Variants in CDC16 observed in about 807,000 individuals in gnomAD.
CDC16 encodes the protein cell division cycle protein 16 homolog.
CDC16 carries 34 observed loss-of-function variants against 87.0 expected under a neutral mutation model. That is an observed-to-expected ratio of 0.39 (90% CI 0.30 to 0.52). The LOEUF is 0.52. Ranked by LOEUF, CDC16 falls within the 20% of genes least tolerant of loss-of-function variation. The pLI is 0.74. For missense variants in CDC16, 653 were observed against 751.9 expected, an observed-to-expected ratio of 0.87 and a Z score of 1.54; for synonymous variants, 263 against 260.6, an observed-to-expected ratio of 1.01 and a Z score of -0.09.
At chr13:114,243,133 C>G in intron 6 of CDC16, 124 bp from the exon 7 acceptor site, 1 of 591,328 alleles carries the variant, frequency 1.7e-6, no homozygotes, top group East Asian at 2.7e-5. Flanking sequence ...ACATTTTGAT[C>G]TTATGTTCTC....
At chr13:114,250,056 C>T (rs2082081569) in intron 11 of CDC16, among the ~76,000 whole-genome samples, 1 of 152,170 alleles carries the variant, frequency 6.6e-6, no homozygotes, top group Non-Finnish European at 1.5e-5. Context: ...GGCACAGTGG[C>T]TCGTGCCTGT....
intron 5 of CDC16, among the ~76,000 whole-genome samples, 188 bp from the exon 6 acceptor site, chr13:114,241,933 C>T (rs900625514): frequency 9.2e-5 from 14 of 152,084 alleles, no homozygotes; most frequent in Non-Finnish European, 1.6e-4. Context: ...ACCTGTAATC[C>T]TAGCTACTCA....
Position 114,272,497 on chromosome 13 carries a change from C to T in CDC16, c.*54C>T. The T allele has an allele frequency of 6.7e-7, 1 of 1,483,648 alleles. No individual in the cohort carries two copies. The highest frequency in any genetic ancestry group is 9.3e-7 in the Non-Finnish European group (1 of 1,078,868). The allele number at this position is 1,483,648 out of a possible 1,614,324, so 91.9% of individuals were successfully genotyped here. On this transcript the variant is annotated 3_prime_UTR_variant, in exon 18 of 18. Coordinates refer to ENST00000356221, the MANE Select transcript of CDC16 (RefSeq NM_001078645.3). ...CCCAGTGTAGGTTAGTATTCCTTCACATCCTCTCCATGGCTTAAGAATGTC... is the reference window on the plus strand; with the variant it reads ...CCCAGTGTAGGTTAGTATTCCTTCATATCCTCTCCATGGCTTAAGAATGTC...
intron 11 of CDC16, among the ~76,000 whole-genome samples, chr13:114,247,635 T>C (rs1283050356): frequency 1.3e-5 from 2 of 152,090 alleles, no homozygotes; most frequent in African/African-American, 4.8e-5. Flanking sequence ...GCCAGCACTT[T>C]GGGAGGTCAA....
At chr13:114,250,999 C>T (rs2082142069) in intron 12 of CDC16, among the ~76,000 whole-genome samples, 1 of 152,146 alleles carries the variant, frequency 6.6e-6, no homozygotes, top group African/African-American at 2.4e-5. Context: ...TATATCTTAT[C>T]TATTACCAAA....
rs368186308 is a variant in CDC16 at position 114,236,372 on chromosome 13, G to A, written c.49-273G>A. Among the ~76,000 whole-genome samples the A allele has an allele frequency of 1.8e-4, 27 of 152,156 alleles. No homozygotes were observed. The East Asian group carries it at 4.4e-3, about 25-fold the overall frequency. ...CTTGCATTTCACTTGTATGTTTCAC[G>A]ATACATTTTTACAGTGTATGAGTTT... On this transcript the variant is annotated intron_variant, in intron 1 of 17. Coordinates refer to ENST00000356221, the MANE Select transcript of CDC16 (RefSeq NM_001078645.3).
chr13:114,243,826 A>C (rs1169882937), intron 7 of CDC16, 30 bp from the exon 8 acceptor site: 1 of 1,577,152 alleles, frequency 6.3e-7, no homozygotes, highest in East Asian at 2.3e-5. Context: ...TTGCTCATTG[A>C]GTTTATGTTT....
Position 114,250,580 on chromosome 13 carries a change from C to A in CDC16, c.1003C>A (p.Pro335Thr). 6.2e-7 allele frequency: 1 copy of A among 1,613,798 alleles called. No homozygotes were observed. The highest frequency in any genetic ancestry group is 1.6e-4 in the Middle Eastern group (1 of 6,062). The change falls in exon 12 of 18, where the codon CCT (proline) becomes ACT (threonine). Residue 335 changes from proline (P) to threonine (T), a missense_variant. By Grantham distance (38) the Pro-to-Thr change is conservative (BLOSUM62 -1). Transcript: ENST00000356221. The part of the protein sequence containing the change: ...KATTLEKTYG[P>T]AWIAYGHSFA... ...CACAACACTTGAGAAAACCTATGGA[C>A]CTGCATGGATAGCCTATGGACATTC...
chr13:114,269,727 T>C (rs1011976600), intron 17 of CDC16, among the ~76,000 whole-genome samples: 2 of 152,024 alleles, frequency 1.3e-5, no homozygotes, highest in Non-Finnish European at 2.9e-5. Flanking sequence ...TTTTCTGAGA[T>C]GGAGTTTCAC....
At position 114,239,363 on chromosome 13, in the gene CDC16, A is replaced by C; in HGVS notation, c.254A>C (p.Glu85Ala). The change falls in exon 5 of 18, where the codon GAG (glutamate) becomes GCG (alanine). Residue 85 changes from glutamate (E) to alanine (A), a missense_variant. Glu to Ala is a moderately radical substitution (Grantham distance 107). Coordinates refer to ENST00000356221, the MANE Select transcript of CDC16 (RefSeq NM_001078645.3). Reference protein sequence around the residue: ...LAARCHYAAKEHQQALDVLDM... With the variant: ...LAARCHYAAKAHQQALDVLDM... ...TTTTCCACGTAGTATGCTGCAAAAG[A>C]GCACCAGCAGGCCCTTGATGTTCTT... 6.2e-7 allele frequency: 1 copy of C among 1,607,232 alleles called. No homozygotes were observed. Among genetic ancestry groups the C allele is most frequent in the African/African-American group, 1.3e-5 (1 of 74,900 alleles).
intron 5 of CDC16, among the ~76,000 whole-genome samples, chr13:114,241,536 T>C (rs938380936): frequency 6.6e-6 from 1 of 152,194 alleles, no homozygotes; most frequent in Admixed American, 6.5e-5. Flanking sequence ...ATTGCACTGT[T>C]TTGGACAAAA....
intron 9 of CDC16, 49 bp downstream of exon 9, chr13:114,245,018 T>G: frequency 8.8e-7 from 1 of 1,132,782 alleles, no homozygotes; most frequent in Non-Finnish European, 1.3e-6. Flanking sequence ...AAAACAAATC[T>G]TTTCTGTAAC....
At chr13:114,253,277 T>C (rs2082298521) in intron 12 of CDC16, among the ~76,000 whole-genome samples, 7 of 152,260 alleles carry the variant, frequency 4.6e-5, no homozygotes, top group Admixed American at 4.6e-4. Context: ...TTTAAGAATA[T>C]GTTGACATTT....
intron 9 of CDC16, among the ~76,000 whole-genome samples, chr13:114,245,445 T>C (rs1431702143): frequency 6.6e-6 from 1 of 152,176 alleles, no homozygotes; most frequent in Non-Finnish European, 1.5e-5. Context: ...AATGGTGAGC[T>C]CTGTCAGGAA....
chr13:114,253,192 T>TG (rs1566661690), intron 12 of CDC16, among the ~76,000 whole-genome samples: 1 of 152,226 alleles, frequency 6.6e-6, no homozygotes, highest in Non-Finnish European at 1.5e-5. Context: ...AACTTGTCTG[T>TG]GTTTGGATAA....
At chr13:114,268,091 G>A (rs1180963371) in intron 17 of CDC16, among the ~76,000 whole-genome samples, 3 of 152,158 alleles carry the variant, frequency 2.0e-5, no homozygotes, top group Admixed American at 1.3e-4. Flanking sequence ...TTGCCTCTGT[G>A]CTTAGATGCT....
chr13:114,258,370 C>T (rs1488665320), intron 13 of CDC16, among the ~76,000 whole-genome samples: 2 of 152,192 alleles, frequency 1.3e-5, no homozygotes, highest in Non-Finnish European at 2.9e-5. Context: ...TCTAAGAAGG[C>T]AACGCTCTGC....
chr13:114,268,117 C>T (rs4111176), intron 17 of CDC16, among the ~76,000 whole-genome samples: 1,751 of 151,864 alleles, frequency 0.012, 97 homozygotes, highest in Admixed American at 0.081. Flanking sequence ...CCAAGGGTCC[C>T]GAGTTGGAAA....
intron 17 of CDC16, among the ~76,000 whole-genome samples, chr13:114,267,030 T>C (rs2083273064): frequency 6.6e-6 from 1 of 152,174 alleles, no homozygotes; most frequent in South Asian, 2.1e-4. Flanking sequence ...CTGTGATGTC[T>C]TTAATCCTTA....
Sources: gnomAD v4.1 joint callset for allele counts (sites outside exome capture counted in the v4.1 genomes callset) on GRCh38, gnomAD v4.1.1 for gene constraint, MANE v1.5 for transcripts, NCBI Gene and HGNC (gene_info 2026-07-23, HGNC 2026-07-21) for gene names.